DHX57: variants seen among roughly 807,000 people sequenced by gnomAD.
DHX57 encodes putative ATP-dependent RNA helicase DHX57.
DHX57 carries 105 observed loss-of-function variants against 156.2 expected under a neutral mutation model. The observed-to-expected ratio is 0.67, with a 90% CI of 0.57 to 0.79. DHX57 has a LOEUF of 0.79. Ranked by LOEUF, DHX57 falls within the 30% of genes least tolerant of loss-of-function variation. DHX57 has a pLI of 0.00. For synonymous variants in DHX57, 704 were observed against 595.6 expected (o/e 1.18, Z -2.65); for missense variants, 1,847 against 1,661.9 (o/e 1.11, Z -1.94).
At chr2:38,826,355 G>T (rs1572647363) in intron 15 of DHX57, among the ~76,000 whole-genome samples, 161 bp downstream of exon 15, 1 of 152,178 alleles carries the variant, frequency 6.6e-6, no homozygotes, top group East Asian at 1.9e-4. Context: ...TAAGGTCCAT[G>T]GTCCTGGCTA....
chr2:38,814,975 G>T (rs1209443591), intron 20 of DHX57, among the ~76,000 whole-genome samples: 1 of 152,040 alleles, frequency 6.6e-6, no homozygotes, highest in Admixed American at 6.6e-5. Context: ...GCCCACCTTG[G>T]CCTCCCAAAG....
intron 13 of DHX57, among the ~76,000 whole-genome samples, chr2:38,830,329 T>C (rs1387293887): frequency 1.3e-4 from 20 of 152,094 alleles, no homozygotes; most frequent in Non-Finnish European, 2.8e-4. Flanking sequence ...TAGCCATCCA[T>C]TGAGAAGGTT....
At chr2:38,828,463 T>G (rs573118446) in intron 13 of DHX57, 27 bp from the exon 14 acceptor site, 1 of 1,526,848 alleles carries the variant, frequency 6.5e-7, no homozygotes, top group South Asian at 1.2e-5. Context: ...AATCAATATG[T>G]GGGTAAGCAT....
chr2:38,822,020 C>G (rs1670841609), intron 17 of DHX57, among the ~76,000 whole-genome samples: 1 of 152,200 alleles, frequency 6.6e-6, no homozygotes, highest in African/African-American at 2.4e-5. Context: ...TACCCACCAA[C>G]ACTCCTGCTC....
intron 9 of DHX57, among the ~76,000 whole-genome samples, chr2:38,849,722 C>T (rs1044857248): frequency 7.9e-5 from 12 of 152,116 alleles, no homozygotes; most frequent in African/African-American, 2.7e-4. Flanking sequence ...TTCTCCTTGC[C>T]GTCTTTGAGG....
Position 38,875,881 on chromosome 2 carries a change from C to G in DHX57, c.-101G>C, listed in dbSNP as rs1343285591. On this transcript the variant is annotated 5_prime_UTR_variant, in exon 1 of 24. Coordinates refer to ENST00000457308, the MANE Select transcript of DHX57 (RefSeq NM_198963.3). ...GACTTGGCCACCCTCACGATTCTCA[C>G]TTGGAGCAGCCCTGCGGTGGCCCAG... The G allele has an allele frequency of 1.3e-5, 5 of 396,078 alleles. No individual in the cohort carries two copies. Among genetic ancestry groups the G allele is most frequent in the African/African-American group, 8.2e-5 (4 of 48,720 alleles). The allele number at this position is 396,078 out of a possible 1,614,324, so 24.5% of individuals were successfully genotyped here.
intron 23 of DHX57, among the ~76,000 whole-genome samples, chr2:38,799,767 A>AAT: frequency 1.4e-5 from 2 of 141,864 alleles, no homozygotes; most frequent in East Asian, 4.4e-4. Flanking sequence ...AAAAAAAAAA[A>AAT]AAAGTGGGCC....
rs144441849 is a variant in DHX57, at chr2:38,820,157, A to G, written c.3292-1013T>C. 8.0e-4 allele frequency among the ~76,000 whole-genome samples: 122 copies of G among 152,328 alleles called. 1 individual carries two copies. Among genetic ancestry groups the G allele is most frequent in the Non-Finnish European group, 7.9e-4 (54 of 68,024 alleles). The stretch of plus-strand genomic sequence containing the variant: ...TTTAAATAATCTTATAACTAATACA[A>G]TAGCAATAAAATTTTAATTTCTACT... On this transcript the variant is annotated intron_variant, in intron 17 of 23. Transcript: ENST00000457308.
chr2:38,854,665 G>C (rs1672789781), intron 8 of DHX57: 1 of 175,408 alleles, frequency 5.7e-6, no homozygotes, highest in Non-Finnish European at 1.2e-5. Flanking sequence ...AGGTTCAAGG[G>C]ATTCTCCTGC....
At position 38,843,040 on chromosome 2, in the gene DHX57, T is replaced by C. The variant is rs769020677; in HGVS notation, c.2390A>G (p.Gln797Arg). Residue 797 changes from glutamine (Q) to arginine (R), a missense_variant, in exon 12 of 24, where the codon CAG (glutamine) becomes CGG (arginine). Gln to Arg is a conservative substitution (Grantham distance 43). Coordinates refer to ENST00000457308, the MANE Select transcript of DHX57 (RefSeq NM_198963.3). ...DSVKDAVPDQ[Q>R]LDFKQLLARY... ...GGCCAGGAGCTGCTTAAAATCTAAC[T>C]GTTGATCTGGCACTGCATCTTTGAC... 1.9e-6 allele frequency: 3 copies of C among 1,614,210 alleles called. No individual in the cohort carries two copies. The South Asian group carries it at 3.3e-5, about 18-fold the overall frequency.
chr2:38,810,489 T>G (rs753808281), intron 21 of DHX57: 3 of 549,492 alleles, frequency 5.5e-6, no homozygotes, highest in African/African-American at 1.9e-5. Flanking sequence ...CCTGAGGGAA[T>G]TGATGTTGAT....
At chr2:38,844,923 G>C (rs973042355) in intron 11 of DHX57, among the ~76,000 whole-genome samples, 3 of 152,180 alleles carry the variant, frequency 2.0e-5, no homozygotes, top group Non-Finnish European at 4.4e-5. Flanking sequence ...TGTCCACAAA[G>C]TGTGAGTGAT....
At chr2:38,837,365 C>T (rs1261460553) in intron 13 of DHX57, among the ~76,000 whole-genome samples, 1 of 151,930 alleles carries the variant, frequency 6.6e-6, no homozygotes, top group Admixed American at 6.6e-5. Flanking sequence ...AATCCCAGCA[C>T]TTTGGGAGGC....
At position 38,861,036 on chromosome 2, in the gene DHX57, A is replaced by G; in HGVS notation, c.1374T>C (p.Ile458=). The G allele has an allele frequency of 6.2e-7, 1 of 1,613,878 alleles. No individual in the cohort carries two copies. Residue 458 remains isoleucine (I), a synonymous_variant, in exon 5 of 24, where the codon ATT becomes ATC. Transcript: ENST00000457308. The part of the protein sequence containing the change: ...INNPACHKTV[I]PNNSFVSNQI... ...GATTAGAAACAAAAGAATTATTTGGAATCACTGTTTTATGACAGGCAGGAT... is the reference window on the plus strand; with the variant it reads ...GATTAGAAACAAAAGAATTATTTGGGATCACTGTTTTATGACAGGCAGGAT...
Position 38,843,148 on chromosome 2 carries a change from A to G in DHX57, c.2282T>C (p.Leu761Pro). Residue 761 changes from leucine (L) to proline (P), a missense_variant, in exon 12 of 24, where the codon CTT becomes CCT. Coordinates refer to ENST00000457308, the MANE Select transcript of DHX57 (RefSeq NM_198963.3). ...RSMKQISKEK[L>P]KARRNRTAFE... ...TGCAGTTCTGTTCCGCCTTGCTTTA[A>G]GCTTTTCCTTTGAAATCTGTTTCAT... The G allele has an allele frequency of 6.2e-7, 1 of 1,614,132 alleles. No homozygotes were observed. The highest frequency in any genetic ancestry group is 1.3e-5 in the African/African-American group (1 of 75,040).
At chr2:38,827,541 TAC>T (rs1469963445) in intron 14 of DHX57, among the ~76,000 whole-genome samples, 19 of 106,696 alleles carry the variant, frequency 1.8e-4, no homozygotes, top group Non-Finnish European at 3.3e-4. Flanking sequence ...TATACACACA[TAC>T]ATATATATAC....
chr2:38,803,644 T>C (rs920830386), intron 22 of DHX57, among the ~76,000 whole-genome samples: 6 of 143,892 alleles, frequency 4.2e-5, no homozygotes, highest in African/African-American at 1.0e-4. Flanking sequence ...CCTGCCACCA[T>C]GCCTGGCTGA....
At chr2:38,807,936 G>A (rs972619060) in intron 21 of DHX57, among the ~76,000 whole-genome samples, 2 of 130,276 alleles carry the variant, frequency 1.5e-5, no homozygotes, top group African/African-American at 5.8e-5. Context: ...GTGAGCCACT[G>A]TGTCTTGCCT....
At chr2:38,837,041 G>T (rs995624908) in intron 13 of DHX57, among the ~76,000 whole-genome samples, 1 of 151,998 alleles carries the variant, frequency 6.6e-6, no homozygotes, top group Admixed American at 6.6e-5. Context: ...TAGAGATGGG[G>T]TTTCACTATG....
Sources: gnomAD v4.1 joint callset for allele counts (sites outside exome capture counted in the v4.1 genomes callset) on GRCh38, gnomAD v4.1.1 for gene constraint, MANE v1.5 for transcripts, NCBI Gene and HGNC (gene_info 2026-07-23, HGNC 2026-07-21) for gene names.